The following GRAP variants were observed in gnomAD, a reference collection of about 807,000 sequenced individuals.
The protein encoded by GRAP is GRB2-related adapter protein.
GRAP carries 2 observed loss-of-function variants against 9.1 expected under a neutral mutation model. The observed-to-expected ratio is 0.22, with a 90% confidence interval of 0.09 to 0.69. GRAP has a LOEUF of 0.69. Among genes scored for constraint, GRAP ranks in the 30% least tolerant of loss-of-function variants. The pLI, the probability that GRAP is intolerant of heterozygous loss-of-function variation, is 0.81. For synonymous variants in GRAP, 68 were observed against 73.6 expected (o/e 0.92, Z 0.39); for missense variants, 113 against 179.4 (o/e 0.63, Z 2.12).
intron 3 of GRAP, among the ~76,000 whole-genome samples, chr17:19,025,056 C>T (rs991523356): frequency 3.3e-5 from 5 of 152,166 alleles, no homozygotes; most frequent in Admixed American, 6.5e-5. Context: ...ATATCCTCTC[C>T]GATGAAGCAA....
chr17:19,025,574 G>C (rs1461711484), intron 3 of GRAP, among the ~76,000 whole-genome samples: 1 of 133,094 alleles, frequency 7.5e-6, no homozygotes, highest in Admixed American at 8.0e-5. Flanking sequence ...GTACCTTCTA[G>C]CCCAGCGGAG....
rs1157535157 is a variant in GRAP at position 19,027,524 on chromosome 17, A to ACACACC, written c.300-3142_300-3141insGGTGTG. Among the ~76,000 whole-genome samples, 239 of 139,002 alleles carry ACACACC rather than the reference A, an allele frequency of 1.7e-3. 1 individual carries two copies. Among genetic ancestry groups the ACACACC allele is most frequent in the Non-Finnish European group, 2.7e-3 (175 of 63,768 alleles). The allele number at this position is 139,002 out of a possible 152,430, so 91.2% of individuals were successfully genotyped here. A position where few individuals can be genotyped will look rare whatever the true frequency, so the allele number is the denominator to read the frequency against. ...CACACACACACACACACACACACAC[A>ACACACC]CCCCTACCTCTCCTGGGTTGTAAAT... On this transcript the variant is annotated intron_variant, in intron 3 of 4. Transcript: ENST00000284154.
chr17:19,021,917 TC>T lies in GRAP; in HGVS notation c.*41del. The T allele has an allele frequency of 1.4e-6, 2 of 1,456,226 alleles. No individual in the cohort carries two copies. The highest frequency in any genetic ancestry group is 1.8e-6 in the Non-Finnish European group (2 of 1,103,802). The allele number at this position is 1,456,226 out of a possible 1,614,324, so 90.2% of individuals were successfully genotyped here. Reference sequence around the variant, plus strand: ...GTCCATGTCCTCTCTGGACCTCAGTTCCTGTAAAAAGGCCCGTTGGCCAGAT... The same window carrying T: ...GTCCATGTCCTCTCTGGACCTCAGTTCTGTAAAAAGGCCCGTTGGCCAGAT... On this transcript the variant is annotated 3_prime_UTR_variant, in exon 5 of 5. Coordinates refer to ENST00000284154, the MANE Select transcript of GRAP (RefSeq NM_006613.4). This position sits in a 1 kb window ranked among gnomAD's most constrained non-coding sequence, Gnocchi z 4.1.
rs1417847221 is a variant in GRAP at position 19,027,475 on chromosome 17, C to T, written c.300-3092G>A. On this transcript the variant is annotated intron_variant, in intron 3 of 4. Coordinates refer to ENST00000284154, the MANE Select transcript of GRAP (RefSeq NM_006613.4). ...GATGCCTTGATGGGACACATGCGCG[C>T]GCGCGCGCGCACACACACACACACA... 1.0e-4 allele frequency among the ~76,000 whole-genome samples: 8 copies of T among 80,042 alleles called. No homozygotes were observed. In the East Asian group the frequency reaches 1.8e-3, roughly 18 times the overall value. 52.5% of individuals were successfully genotyped at this position (80,042 alleles called of 152,430 possible).
intron 3 of GRAP, among the ~76,000 whole-genome samples, chr17:19,030,030 G>A (rs2044328513): frequency 1.4e-5 from 1 of 69,820 alleles, no homozygotes; most frequent in East Asian, 2.0e-4. Context: ...CTCCCACTGT[G>A]TGGAGTGACT....
intron 1 of GRAP, among the ~76,000 whole-genome samples, chr17:19,043,523 G>A (rs1272627607): frequency 1.3e-5 from 2 of 152,296 alleles, no homozygotes; most frequent in African/African-American, 4.8e-5. Context: ...AACTTTCTCA[G>A]GAGGCTGAGG....
intron 4 of GRAP, among the ~76,000 whole-genome samples, chr17:19,023,192 C>CAGAGGAGAAACTAGTGGGGGTCTCTCA (rs1388665702): frequency 2.0e-5 from 3 of 152,166 alleles, no homozygotes; most frequent in Non-Finnish European, 4.4e-5. Flanking sequence ...GGAAGGCCAA[C>CAGAGGAGAAACTAGTGGGGGTCTCTCA]AGAGGAGAAA....
chr17:19,025,678 T>G (rs1385104894), intron 3 of GRAP, among the ~76,000 whole-genome samples: 2 of 133,868 alleles, frequency 1.5e-5, no homozygotes, highest in East Asian at 4.4e-4. Flanking sequence ...AATGGCGCTA[T>G]CTCGGCTCAC....
chr17:19,024,155 T>A lies in GRAP; in HGVS notation c.468+60A>T. ...TTGGCCTCAGTGTCAGCATCTCCCC[T>A]GCTGCAGATGGCAGGAGGTGCAGAG... On this transcript the variant is annotated intron_variant, in intron 4 of 4. Transcript: ENST00000284154. This position sits in a 1 kb window ranked among gnomAD's most constrained non-coding sequence, Gnocchi z 4.2. 1 of 1,491,658 alleles carries A rather than the reference T, an allele frequency of 6.7e-7. No individual in the cohort carries two copies. Among genetic ancestry groups the A allele is most frequent in the Non-Finnish European group, 9.1e-7 (1 of 1,094,854 alleles). The allele number at this position is 1,491,658 out of a possible 1,614,324, so 92.4% of individuals were successfully genotyped here.
At position 19,024,452 on chromosome 17, in the gene GRAP, C is replaced by T. The variant is rs995765954; in HGVS notation, c.300-69G>A. ...AGCCTGGCATGGTCCCAGGGGCTCC[C>T]GTCTCACTACCACCTGGAACCAGCC... is the stretch of plus-strand genomic sequence containing the variant. On this transcript the variant is annotated intron_variant, in intron 3 of 4. Coordinates refer to ENST00000284154, the MANE Select transcript of GRAP (RefSeq NM_006613.4). The surrounding 1 kb of genome is among the most constrained non-coding windows in gnomAD (Gnocchi z 4.2). 1.8e-5 allele frequency: 28 copies of T among 1,546,480 alleles called. No individual in the cohort carries two copies. The African/African-American group carries it at 3.1e-4, about 17-fold the overall frequency.
At chr17:19,022,277 G>A (rs1160115743) in intron 4 of GRAP, 133 bp from the exon 5 acceptor site, 12 of 519,350 alleles carry the variant, frequency 2.3e-5, no homozygotes, top group Admixed American at 4.0e-5. Context: ...TGAACTTTAA[G>A]TCCAGATCAA....
chr17:19,030,258 G>A (rs1597928153), intron 3 of GRAP: 1 of 444,138 alleles, frequency 2.3e-6, no homozygotes. Context: ...AGCAGCAGCA[G>A]CAGCAGCAAA....
intron 4 of GRAP, among the ~76,000 whole-genome samples, chr17:19,023,510 A>G (rs2044289008): frequency 6.6e-6 from 1 of 152,164 alleles, no homozygotes; most frequent in South Asian, 2.1e-4. Flanking sequence ...GTTGGGGCTA[A>G]TAACCCCAGT....
At position 19,024,059 on chromosome 17, in the gene GRAP, A is replaced by G. The variant is rs1380679134; in HGVS notation, c.468+156T>C. On this transcript the variant is annotated intron_variant, in intron 4 of 4. Transcript: ENST00000284154. This position sits in a 1 kb window ranked among gnomAD's most constrained non-coding sequence, Gnocchi z 4.2. Reference sequence around the variant, plus strand: ...GTCTCACCATAGCCGCCACCAGGATATAACTTCGAAGCCTGGGCTGGACGC... The same window carrying G: ...GTCTCACCATAGCCGCCACCAGGATGTAACTTCGAAGCCTGGGCTGGACGC... 1.3e-5 allele frequency among the ~76,000 whole-genome samples: 2 copies of G among 152,110 alleles called. No individual in the cohort carries two copies. Among genetic ancestry groups the G allele is most frequent in the African/African-American group, 4.8e-5 (2 of 41,408 alleles).
At chr17:19,030,270 G>C (rs1452254851) in intron 3 of GRAP, 4 of 439,376 alleles carry the variant, frequency 9.1e-6, no homozygotes, top group Non-Finnish European at 1.3e-5. Flanking sequence ...AGCAGCAAAG[G>C]TAACAGTGTC....
rs985298031 is a variant in GRAP at position 19,021,788 on chromosome 17, C to T, written c.*171G>A. 1.8e-6 allele frequency: 1 copy of T among 567,228 alleles called. No individual in the cohort carries two copies. The highest frequency in any genetic ancestry group is 1.9e-5 in the African/African-American group (1 of 51,570). 35.1% of individuals were successfully genotyped at this position (567,228 alleles called of 1,614,324 possible). A position where few individuals can be genotyped will look rare whatever the true frequency, so the allele number is the denominator to read the frequency against. Reference sequence around the variant, plus strand: ...TTGCTGGGTACCCTTGCTGGGGGACCTGGGCCATCCCAGTTTGTGCAGAGC... The same window carrying T: ...TTGCTGGGTACCCTTGCTGGGGGACTTGGGCCATCCCAGTTTGTGCAGAGC... On this transcript the variant is annotated 3_prime_UTR_variant, in exon 5 of 5. Transcript: ENST00000284154. This position sits in a 1 kb window ranked among gnomAD's most constrained non-coding sequence, Gnocchi z 4.1.
intron 3 of GRAP, chr17:19,030,241 C>A: frequency 2.3e-6 from 1 of 442,346 alleles, no homozygotes. Context: ...GCAGCAGCAG[C>A]AGCAGCAGCA....
At chr17:19,027,885 C>CT (rs1242300155) in intron 3 of GRAP, among the ~76,000 whole-genome samples, 3,548 of 103,110 alleles carry the variant, frequency 0.034, 138 homozygotes, top group East Asian at 0.23. Flanking sequence ...CCACTTCTCC[C>CT]TTTTTTTTTT....
intron 4 of GRAP, 179 bp from the exon 5 acceptor site, chr17:19,022,323 C>G (rs2044277681): frequency 2.1e-6 from 1 of 465,784 alleles, no homozygotes. Flanking sequence ...GCTGCCCACA[C>G]CCCTGCCTGT....
Sources: allele counts gnomAD v4.1 joint callset (sites outside exome capture counted in the v4.1 genomes callset), GRCh38; gene constraint gnomAD v4.1.1; non-coding constraint Gnocchi (gnomAD v3.1); transcripts MANE v1.5; gene names NCBI Gene and HGNC (gene_info 2026-07-23, HGNC 2026-07-21).